BMS1: variants seen among roughly 807,000 people sequenced by gnomAD.
The protein encoded by BMS1 is ribosome biogenesis protein BMS1 homolog.
Under a neutral mutation model 138.7 loss-of-function variants are expected in BMS1, and 53 were observed. The ratio of observed to expected loss-of-function variants is 0.38; its 90% CI spans 0.31 to 0.48. BMS1 has a LOEUF of 0.48. Ranked by LOEUF, BMS1 falls within the 20% of genes least tolerant of loss-of-function variation. The pLI, the probability that BMS1 is intolerant of heterozygous loss-of-function variation, is 0.97. For synonymous variants in BMS1, 504 were observed against 539.9 expected (o/e 0.93, Z 0.92); for missense variants, 1,360 against 1,565.5 (o/e 0.87, Z 2.22).
At chr10:42,829,374 G>T (rs901373485) in intron 21 of BMS1, among the ~76,000 whole-genome samples, 15 of 152,080 alleles carry the variant, frequency 9.9e-5, no homozygotes, top group African/African-American at 3.6e-4. Context: ...TGAAAATTCA[G>T]TGCAGAGTAT....
At chr10:42,814,958 T>G (rs1359957793) in intron 13 of BMS1, among the ~76,000 whole-genome samples, 4 of 152,172 alleles carry the variant, frequency 2.6e-5, no homozygotes, top group African/African-American at 9.7e-5. Context: ...CAACTTCCTA[T>G]TGGATGAGGT....
chr10:42,817,214 G>T, intron 14 of BMS1, 104 bp from the exon 15 acceptor site: 1 of 934,778 alleles, frequency 1.1e-6, no homozygotes. Context: ...AATGATAACA[G>T]ATTTTTGCTA....
chr10:42,784,464 C>T lies in BMS1; in HGVS notation c.70C>T (p.Arg24Trp), dbSNP rs200070515. 7 of 1,613,630 alleles carry T rather than the reference C, an allele frequency of 4.3e-6. No homozygotes were observed. Among genetic ancestry groups the T allele is most frequent in the East Asian group, 2.2e-5 (1 of 44,900 alleles). The change falls in exon 2 of 23, where the codon CGG becomes TGG. Residue 24 changes from arginine to tryptophan, a missense_variant. By Grantham distance (101) the Arg-to-Trp change is moderately radical (BLOSUM62 -3). Coordinates refer to ENST00000374518, the MANE Select transcript of BMS1 (RefSeq NM_014753.4). ...SGPKAAKKKKRLLQDLQLGDE... is the reference protein window; with the variant it reads ...SGPKAAKKKKWLLQDLQLGDE... The stretch of plus-strand genomic sequence containing the variant: ...ACCCAAAGCTGCAAAGAAAAAGAAG[C>T]GGCTTCTGCAGGATCTCCAGCTAGG...
Position 42,825,774 on chromosome 10 carries a change from T to C in BMS1, c.3456+1990T>C, listed in dbSNP as rs868437554. Among the ~76,000 whole-genome samples, 53 of 152,344 alleles carry C rather than the reference T, an allele frequency of 3.5e-4. 1 individual carries two copies. The highest frequency in any genetic ancestry group is 1.2e-3 in the South Asian group (6 of 4,824). ...TTCTTTAATTTAGTTGCCTTTTTTT[T>C]CTCATCTGATTGCTCTTGCAAGTAC... On this transcript the variant is annotated intron_variant, in intron 21 of 22. Transcript: ENST00000374518.
Position 42,798,543 on chromosome 10 carries a change from A to G in BMS1, c.2165A>G (p.Asp722Gly), listed in dbSNP as rs772861065. The G allele has an allele frequency of 6.2e-7, 1 of 1,614,258 alleles. No homozygotes were observed. Among genetic ancestry groups the G allele is most frequent in the South Asian group, 1.1e-5 (1 of 91,086 alleles). The change falls in exon 12 of 23, where the codon GAC becomes GGC. Residue 722 changes from aspartate (D) to glycine (G), a missense_variant. Physicochemically the swap from Asp to Gly is moderately conservative, Grantham distance 94. Transcript: ENST00000374518. ...LGGLFRVNQP[D>G]RECKHKADSL... ...GGGTTGTTTCGTGTCAACCAGCCTG[A>G]CAGAGAGTGTAAGCACAAGGCTGAC...
At chr10:42,821,525 GA>G (rs1053343725) in intron 18 of BMS1, among the ~76,000 whole-genome samples, 3 of 145,818 alleles carry the variant, frequency 2.1e-5, no homozygotes, top group African/African-American at 7.6e-5. Flanking sequence ...TCACTCTCAG[GA>G]AAGTACTCAA....
At position 42,820,351 on chromosome 10, in the gene BMS1, A is replaced by G; in HGVS notation, c.2696A>G (p.Gln899Arg). ...GAAAATGTTCCCTGTGAATTTGTGC[A>G]GAACTTTGACCCCCATTACCCCATT... ...EIENVPCEFV[Q>R]NFDPHYPIIL... is the part of the protein sequence containing the mutation. The change falls in exon 16 of 23, where the codon CAG becomes CGG. Residue 899 changes from glutamine to arginine, a missense_variant. By Grantham distance (43) the Gln-to-Arg change is conservative. Around this residue, in one of 3 missense-constraint regions of BMS1, gnomAD observed 425 missense variants for 568.3 expected, o/e 0.75. Transcript: ENST00000374518. 6.2e-7 allele frequency: 1 copy of G among 1,613,846 alleles called. No individual in the cohort carries two copies. The highest frequency in any genetic ancestry group is 1.7e-4 in the Middle Eastern group (1 of 6,056).
chr10:42,787,716 C>T (rs1382050079), intron 4 of BMS1, among the ~76,000 whole-genome samples: 1 of 152,092 alleles, frequency 6.6e-6, no homozygotes, highest in Non-Finnish European at 1.5e-5. Context: ...AGTTAAGTAA[C>T]TTGTGTGAAG....
intron 12 of BMS1, 131 bp from the exon 13 acceptor site, chr10:42,802,006 C>G: frequency 1.7e-6 from 1 of 599,448 alleles, no homozygotes; most frequent in Non-Finnish European, 2.9e-6. Flanking sequence ...ATTTTCTGGG[C>G]TCATTTGGAA....
At chr10:42,803,813 G>A (rs1159895551) in intron 13 of BMS1, among the ~76,000 whole-genome samples, 1 of 152,106 alleles carries the variant, frequency 6.6e-6, no homozygotes, top group Non-Finnish European at 1.5e-5. Context: ...GATAAGCTTT[G>A]ATATGTGAAT....
intron 15 of BMS1, among the ~76,000 whole-genome samples, chr10:42,817,919 G>A (rs1842396823): frequency 6.6e-6 from 1 of 152,188 alleles, no homozygotes; most frequent in African/African-American, 2.4e-5. Flanking sequence ...CCCAGGGGAA[G>A]TGCTCTGAAA....
At chr10:42,796,080 AT>A (rs923985107) in intron 9 of BMS1, among the ~76,000 whole-genome samples, 8 of 152,152 alleles carry the variant, frequency 5.3e-5, no homozygotes, top group African/African-American at 1.9e-4. Context: ...ATCCAGGCTC[AT>A]TTTGCCTTCT....
intron 7 of BMS1, 116 bp from the exon 8 acceptor site, chr10:42,792,841 T>G: frequency 1.5e-6 from 2 of 1,337,330 alleles, no homozygotes; most frequent in Non-Finnish European, 2.0e-6. Context: ...ACAATGCCCT[T>G]CTTTAGTGTT....
rs1227873591 is a variant in BMS1 at position 42,802,139 on chromosome 10, T to A, written c.2250T>A (p.Val750=). ...EAPHDWDLEE[V]MNSIRDCFVT... ...AAGTGCTGACTTTTCTGCGTAAGGT[T>A]ATGAACAGTATCAGAGATTGCTTCG... The change falls in exon 13 of 23, where the codon GTT becomes GTA. Residue 750 remains valine, a splice_region_variant and synonymous_variant. Coordinates refer to ENST00000374518, the MANE Select transcript of BMS1 (RefSeq NM_014753.4). 1.2e-5 allele frequency: 19 copies of A among 1,611,844 alleles called. No individual in the cohort carries two copies. Among genetic ancestry groups the A allele is most frequent in the Non-Finnish European group, 1.5e-5 (18 of 1,178,732 alleles).
chr10:42,789,337 C>T (rs1841433728), intron 4 of BMS1, among the ~76,000 whole-genome samples: 1 of 152,158 alleles, frequency 6.6e-6, no homozygotes, highest in Non-Finnish European at 1.5e-5. Flanking sequence ...CACAAGCCCA[C>T]CTTCATATAT....
In BMS1 at chr10:42,784,512, A is replaced by G; in HGVS notation, c.118A>G (p.Arg40Gly). The change falls in exon 2 of 23, where the codon AGA becomes GGA. Residue 40 changes from arginine (R) to glycine (G), a missense_variant. Arg to Gly is a moderately radical substitution (Grantham distance 125). Transcript: ENST00000374518. ...AGGAGACGAAGAAGATGCCCGGAAG[A>G]GAAATCCCAAAGCTTTTGCAGTTCA... ...QLGDEEDARK[R>G]NPKAFAVQSA... is the part of the protein sequence containing the mutation. 6.2e-7 allele frequency: 1 copy of G among 1,614,008 alleles called. No homozygotes were observed. The highest frequency in any genetic ancestry group is 8.5e-7 in the Non-Finnish European group (1 of 1,179,858).
chr10:42,812,222 T>TGCAGCCTTGACCTCCTAG, intron 13 of BMS1, among the ~76,000 whole-genome samples: 1 of 152,238 alleles, frequency 6.6e-6, no homozygotes, highest in Non-Finnish European at 1.5e-5. Context: ...CATGACTCAC[T>TGCAGCCTTGACCTCCTAG]GCAGCCTTGA....
At chr10:42,789,186 C>A (rs1300972814) in intron 4 of BMS1, among the ~76,000 whole-genome samples, 1 of 152,176 alleles carries the variant, frequency 6.6e-6, no homozygotes, top group Non-Finnish European at 1.5e-5. Context: ...TTCTTCCTGA[C>A]CCTACAATCA....
chr10:42,800,441 G>A (rs547347242), intron 12 of BMS1, among the ~76,000 whole-genome samples: 127 of 151,114 alleles, frequency 8.4e-4, no homozygotes, highest in African/African-American at 2.9e-3. Context: ...TTCTCTTTAT[G>A]TATTAGCTGT....
Sources: allele counts gnomAD v4.1 joint callset (sites outside exome capture counted in the v4.1 genomes callset), GRCh38; gene constraint gnomAD v4.1.1; regional missense constraint gnomAD v4.1.1; transcripts MANE v1.5; gene names NCBI Gene and HGNC (gene_info 2026-07-23, HGNC 2026-07-21).